TNS1: variants seen among roughly 807,000 people sequenced by gnomAD.
The protein encoded by TNS1 is tensin 1.
TNS1 carries 62 observed loss-of-function variants against 168.6 expected under a neutral mutation model. The observed-to-expected ratio is 0.37, with a 90% confidence interval of 0.30 to 0.45. The LOEUF is 0.45. Among genes scored for constraint, TNS1 ranks in the 20% least tolerant of loss-of-function variants. TNS1 has a pLI of 1.00. For synonymous variants in TNS1, 934 were observed against 933.2 expected, an observed-to-expected ratio of 1.00 and a Z score of -0.02; for missense variants, 2,240 against 2,339.4, an observed-to-expected ratio of 0.96 and a Z score of 0.88.
chr2:217,814,802 G>T, intron 25 of TNS1, 110 bp downstream of exon 25: 1 of 833,520 alleles, frequency 1.2e-6, no homozygotes. Context: ...CCTCTGTGAT[G>T]ACCCCCTGCT....
intron 32 of TNS1, among the ~76,000 whole-genome samples, chr2:217,805,605 C>T (rs375468855): frequency 6.6e-5 from 3 of 45,512 alleles, no homozygotes; most frequent in Non-Finnish European, 1.5e-4. Flanking sequence ...CCACACACCA[C>T]ACACACCACA....
intron 6 of TNS1, chr2:217,905,481 C>A: frequency 2.9e-6 from 1 of 345,686 alleles, no homozygotes. Context: ...GCCCCTCCTG[C>A]TCCCGCAGCA....
At position 217,817,911 on chromosome 2, in the gene TNS1, G is replaced by C. The variant is rs766275252; in HGVS notation, c.4421C>G (p.Pro1474Arg). The change falls in exon 24 of 33, where the codon CCG (proline) becomes CGG (arginine). Residue 1474 changes from proline (P) to arginine (R), a missense_variant. Physicochemically the swap from Pro to Arg is moderately radical, Grantham distance 103 (BLOSUM62 -2). Around this residue, in one of 2 missense-constraint regions of TNS1, gnomAD observed 2,131 missense variants for 2,171.2 expected, o/e 0.98. Transcript: ENST00000682258. ...YPGLSSPATS[P>R]SPDSAAFRQG... is the part of the protein sequence containing the mutation. ...CCGGAAGGCTGCGGAGTCTGGTGAC[G>C]GGGAGGTGGCAGGGCTGCTCAGGCC... 6.2e-7 allele frequency: 1 copy of C among 1,613,704 alleles called. No individual in the cohort carries two copies. Among genetic ancestry groups the C allele is most frequent in the African/African-American group, 1.3e-5 (1 of 74,944 alleles).
At position 218,033,472 on chromosome 2, in the gene TNS1, G is replaced by T. The variant is rs555474130; in HGVS notation, c.156+348C>A. ...CCAGAGCTGCCCCTTGGTCCAGCTC[G>T]AGGAAGATTAACTCTTTCCCTACCT... On this transcript the variant is annotated intron_variant, in intron 1 of 1. Transcript: ENST00000649572. This position sits in a 1 kb window ranked among gnomAD's most constrained non-coding sequence, Gnocchi z 4.3. Among the ~76,000 whole-genome samples, 1 of 151,870 alleles carries T rather than the reference G, an allele frequency of 6.6e-6. No individual in the cohort carries two copies. The highest frequency in any genetic ancestry group is 1.5e-5 in the Non-Finnish European group (1 of 67,932).
In TNS1 at chr2:218,026,046, A is replaced by G. The variant is rs192740389; in HGVS notation, c.156+7774T>C. Among the ~76,000 whole-genome samples, 17 of 152,236 alleles carry G rather than the reference A, an allele frequency of 1.1e-4. No homozygotes were observed. In the East Asian group the frequency reaches 3.3e-3, roughly 29 times the overall value. On this transcript the variant is annotated intron_variant, in intron 1 of 1. Transcript: ENST00000649572. Reference sequence around the variant, plus strand: ...CAAAATCAGGCATTTCCCCTAGTAAAATCCTCCATTCAGTCCCATCTTGTT... The same window carrying G: ...CAAAATCAGGCATTTCCCCTAGTAAGATCCTCCATTCAGTCCCATCTTGTT...
chr2:217,917,261 C>G (rs539839344), intron 4 of TNS1, among the ~76,000 whole-genome samples: 1 of 152,320 alleles, frequency 6.6e-6, no homozygotes, highest in Non-Finnish European at 1.5e-5. Context: ...AGTACCTAAT[C>G]TGCCAGACAT....
rs970769421 is a variant in TNS1 at position 217,884,994 on chromosome 2, C to A, written c.1246+41G>T. ...GTCTCAAACTGAGCTCCTCTCCCTG[C>A]CACAGGGGTGCCCACCCCCAGCTCC... On this transcript the variant is annotated intron_variant, in intron 16 of 32. Coordinates refer to ENST00000682258, the MANE Select transcript of TNS1 (RefSeq NM_001387777.1). The A allele has an allele frequency of 4.3e-6, 7 of 1,611,726 alleles. No homozygotes were observed. In the African/African-American group the frequency reaches 9.3e-5, roughly 22 times the overall value.
At position 217,995,871 on chromosome 2, in the gene TNS1, C is replaced by A. The variant is rs994126707; in HGVS notation, c.34-4815G>T. On this transcript the variant is annotated intron_variant, in intron 1 of 32. Coordinates refer to ENST00000682258, the MANE Select transcript of TNS1 (RefSeq NM_001387777.1). The surrounding 1 kb of genome is among the most constrained non-coding windows in gnomAD (Gnocchi z 4.1). Reference sequence around the variant, plus strand: ...CCTCCCTCCAAGCCCAGAGCTCTAGCCCCCACCCTGCCACCAGCCCACCCA... The same window carrying A: ...CCTCCCTCCAAGCCCAGAGCTCTAGACCCCACCCTGCCACCAGCCCACCCA... Among the ~76,000 whole-genome samples the A allele has an allele frequency of 3.3e-5, 5 of 152,218 alleles. No homozygotes were observed. The highest frequency in any genetic ancestry group is 5.9e-5 in the Non-Finnish European group (4 of 68,038).
chr2:217,813,343 G>C lies in TNS1; in HGVS notation c.4862-36C>G, dbSNP rs1559149656. 1.3e-6 allele frequency: 2 copies of C among 1,489,732 alleles called. No individual in the cohort carries two copies. Among genetic ancestry groups the C allele is most frequent in the Non-Finnish European group, 1.8e-6 (2 of 1,088,944 alleles). 92.3% of individuals were successfully genotyped at this position (1,489,732 alleles called of 1,614,324 possible). A position where few individuals can be genotyped will look rare whatever the true frequency, so the allele number is the denominator to read the frequency against. On this transcript the variant is annotated intron_variant, in intron 26 of 32. Coordinates refer to ENST00000682258, the MANE Select transcript of TNS1 (RefSeq NM_001387777.1). This position sits in a 1 kb window ranked among gnomAD's most constrained non-coding sequence, Gnocchi z 4.0. ...GAGAAAGAAATAAGGCTCAGTCCCT[G>C]CCCATGGCTTCCTCCCACCACCTCC...
chr2:217,954,361 G>A (rs577731731), intron 3 of TNS1, among the ~76,000 whole-genome samples: 6 of 152,192 alleles, frequency 3.9e-5, no homozygotes, highest in African/African-American at 9.6e-5. Context: ...GAGATGCAGC[G>A]CAGCCAGCAT....
chr2:217,918,557 C>G (rs956488921), intron 4 of TNS1, among the ~76,000 whole-genome samples: 2 of 152,190 alleles, frequency 1.3e-5, no homozygotes, highest in Non-Finnish European at 2.9e-5. Flanking sequence ...CCAACCTATT[C>G]CCTTTTGTCC....
intron 22 of TNS1, among the ~76,000 whole-genome samples, chr2:217,828,293 G>A (rs1172516439): frequency 1.3e-5 from 2 of 152,330 alleles, no homozygotes; most frequent in East Asian, 3.9e-4. Flanking sequence ...GGTCAGGAGA[G>A]GGCAAAGTCT....
Position 217,994,856 on chromosome 2 carries a change from T to C in TNS1, c.34-3800A>G, listed in dbSNP as rs146988950. 4.0e-3 allele frequency among the ~76,000 whole-genome samples: 606 copies of C among 152,354 alleles called. 4 individuals carry two copies. Among genetic ancestry groups the C allele is most frequent in the African/African-American group, 0.014 (570 of 41,590 alleles). ...CCAGGACATTCCTGCCCCTCAGCCC[T>C]ACTGAGTTCTGGCTCTGGCTGAGCG... On this transcript the variant is annotated intron_variant, in intron 1 of 32. Coordinates refer to ENST00000682258, the MANE Select transcript of TNS1 (RefSeq NM_001387777.1).
At chr2:217,898,654 A>C (rs775728787) in intron 7 of TNS1, among the ~76,000 whole-genome samples, 1 of 152,208 alleles carries the variant, frequency 6.6e-6, no homozygotes, top group South Asian at 2.1e-4. Flanking sequence ...GCTTCTTGGC[A>C]GCAGCCTCCC....
At chr2:217,997,251 A>G (rs915768490) in intron 1 of TNS1, among the ~76,000 whole-genome samples, 1 of 152,096 alleles carries the variant, frequency 6.6e-6, no homozygotes, top group Non-Finnish European at 1.5e-5. Context: ...CTATGATCAC[A>G]CTCAGAAATT....
intron 3 of TNS1, among the ~76,000 whole-genome samples, chr2:217,960,678 C>T (rs532246905): frequency 1.2e-4 from 18 of 152,164 alleles, no homozygotes; most frequent in African/African-American, 1.9e-4. Flanking sequence ...CCAACACAAC[C>T]ATTTCTGTCC....
intron 10 of TNS1, 44 bp downstream of exon 10, chr2:217,893,395 C>T (rs548913736): frequency 1.7e-4 from 259 of 1,515,850 alleles, no homozygotes; most frequent in Admixed American, 2.8e-4. Flanking sequence ...CGCATGTGCG[C>T]GCGCGCACAC....
At chr2:217,820,236 G>A (rs1233089680) in intron 23 of TNS1, among the ~76,000 whole-genome samples, 3 of 152,188 alleles carry the variant, frequency 2.0e-5, no homozygotes, top group Admixed American at 6.5e-5. Flanking sequence ...TTCAGCAGGA[G>A]GGATTTGAGT....
chr2:217,981,979 T>C (rs1256787269), intron 2 of TNS1, among the ~76,000 whole-genome samples: 1 of 152,238 alleles, frequency 6.6e-6, no homozygotes, highest in African/African-American at 2.4e-5. Context: ...CCTCCCACAC[T>C]AAATAGGGCT....
Sources: allele counts gnomAD v4.1 joint callset (sites outside exome capture counted in the v4.1 genomes callset), GRCh38; gene constraint gnomAD v4.1.1; regional missense constraint gnomAD v4.1.1; non-coding constraint Gnocchi (gnomAD v3.1); transcripts MANE v1.5; gene names NCBI Gene and HGNC (gene_info 2026-07-23, HGNC 2026-07-21).